Variants in CX3CR1 observed in about 807,000 individuals in gnomAD.
CX3CR1 encodes CX3C chemokine receptor 1.
For missense variants in CX3CR1, 363 were observed against 432.4 expected (o/e 0.84, Z 1.42); for synonymous variants, 168 against 178.5 (o/e 0.94, Z 0.47).
chr3:39,281,407 T>A (rs1009180609), upstream of CX3CR1: 5 of 630,034 alleles, frequency 7.9e-6, no homozygotes, highest in South Asian at 8.0e-5. Flanking sequence ...ACTCCCCTCC[T>A]CTTCTGAGGG....
At chr3:39,284,792 T>A (rs1014638), upstream of CX3CR1, among the ~76,000 whole-genome samples, 1 of 151,874 alleles carries the variant, frequency 6.6e-6, no homozygotes, top group African/African-American at 2.4e-5. Context: ...CAAGTCAGGA[T>A]TGGAACTTCC....
At chr3:39,281,310 G>GGC, upstream of CX3CR1, 1 of 1,031,020 alleles carries the variant, frequency 9.7e-7, no homozygotes, top group Non-Finnish European at 1.2e-6. Context: ...TCTGACACTG[G>GGC]CCCCTCCCCA....
At chr3:39,267,547 G>T (rs1487762741) in intron 1 of CX3CR1, among the ~76,000 whole-genome samples, 2 of 152,070 alleles carry the variant, frequency 1.3e-5, no homozygotes, top group Non-Finnish European at 2.9e-5. Flanking sequence ...CCTGGTTTTA[G>T]CCCTGAAAGT....
chr3:39,265,860 G>T lies in CX3CR1; in HGVS notation c.650C>A (p.Thr217Lys). 2 of 1,614,212 alleles carry T rather than the reference G, an allele frequency of 1.2e-6. No homozygotes were observed. Among genetic ancestry groups the T allele is most frequent in the Non-Finnish European group, 1.7e-6 (2 of 1,180,040 alleles). ...MSYCYFRIIQTLFSCKNHKKA... is the reference protein window; with the variant it reads ...MSYCYFRIIQKLFSCKNHKKA... The stretch of plus-strand genomic sequence containing the variant: ...CTTGTGGTTCTTGCAGGAAAACAGC[G>T]TCTGGATGATTCTGAAGTAGCAATA... Residue 217 changes from threonine (T) to lysine (K), a missense_variant, in exon 2 of 2, where the codon ACG becomes AAG. Physicochemically the swap from Thr to Lys is moderately conservative, Grantham distance 78 (BLOSUM62 -1). Transcript: ENST00000399220.
upstream of CX3CR1, chr3:39,286,512 G>A (rs1289108529): frequency 1.3e-5 from 2 of 151,642 alleles, no homozygotes; most frequent in Non-Finnish European, 2.9e-5. Context: ...TTAGCCGGGC[G>A]CGGTGGCGGG....
upstream of CX3CR1, among the ~76,000 whole-genome samples, chr3:39,283,613 C>T (rs10865886): frequency 0.29 from 43,186 of 150,114 alleles, 7,619 homozygotes; most frequent in East Asian, 0.71. Context: ...AACCCTGTCT[C>T]TACTAAAAAT....
chr3:39,284,036 C>T (rs867532989), upstream of CX3CR1, among the ~76,000 whole-genome samples: 38 of 151,608 alleles, frequency 2.5e-4, no homozygotes, highest in African/African-American at 7.5e-4. Flanking sequence ...GATTATCACA[C>T]GTTACATGCC....
the CX3CR1 span, among the ~76,000 whole-genome samples, chr3:39,289,971 G>A: frequency 6.6e-6 from 1 of 152,178 alleles, no homozygotes; most frequent in Non-Finnish European, 1.5e-5. Flanking sequence ...GTGGTATTTT[G>A]TTATGAAAGC....
At chr3:39,273,119 G>A (rs2040798711) in intron 1 of CX3CR1, among the ~76,000 whole-genome samples, 1 of 152,274 alleles carries the variant, frequency 6.6e-6, no homozygotes, top group South Asian at 2.1e-4. Context: ...GAAATCTGCA[G>A]GATATTGCAG....
chr3:39,284,157 G>A (rs1000432375), upstream of CX3CR1, among the ~76,000 whole-genome samples: 1 of 151,818 alleles, frequency 6.6e-6, no homozygotes, highest in African/African-American at 2.4e-5. Context: ...ATTAAAAAAA[G>A]CTGAGAAACC....
upstream of CX3CR1, among the ~76,000 whole-genome samples, chr3:39,281,921 A>G (rs1201595111): frequency 6.6e-6 from 1 of 152,182 alleles, no homozygotes; most frequent in Non-Finnish European, 1.5e-5. Flanking sequence ...GGCAAGCATG[A>G]GAACCAGCGT....
chr3:39,282,501 A>G (rs9861437), upstream of CX3CR1, among the ~76,000 whole-genome samples: 21,177 of 152,158 alleles, frequency 0.14, 1,607 homozygotes, highest in Middle Eastern at 0.23. Flanking sequence ...TCTGCTGGGC[A>G]GAGAAATGAG....
chr3:39,270,006 C>T lies in CX3CR1; in HGVS notation c.-9-3488G>A, dbSNP rs538747757. Among the ~76,000 whole-genome samples the T allele has an allele frequency of 1.5e-3, 231 of 152,370 alleles. 1 individual carries two copies. The highest frequency in any genetic ancestry group is 5.3e-3 in the African/African-American group (220 of 41,588). On this transcript the variant is annotated intron_variant, in intron 1 of 1. Transcript: ENST00000399220. The stretch of plus-strand genomic sequence containing the variant: ...TGCACACACTGTGCCTCACAGGAGG[C>T]ACAGCTGGGTGAAGCACCTGGCCCA...
At chr3:39,292,493 G>C in the CX3CR1 span, among the ~76,000 whole-genome samples, 1 of 152,194 alleles carries the variant, frequency 6.6e-6, no homozygotes, top group Non-Finnish European at 1.5e-5. Context: ...ATCCTGCAAA[G>C]CAGGGTTTTT....
At chr3:39,277,294 G>A (rs956350140) in intron 1 of CX3CR1, among the ~76,000 whole-genome samples, 2 of 152,186 alleles carry the variant, frequency 1.3e-5, no homozygotes, top group African/African-American at 2.4e-5. Flanking sequence ...CAAGAGGGCA[G>A]GTGGGATCAA....
chr3:39,274,116 G>A (rs1316663829), intron 1 of CX3CR1, among the ~76,000 whole-genome samples: 2 of 152,090 alleles, frequency 1.3e-5, no homozygotes. Flanking sequence ...ATCAAGTCTT[G>A]GCAAATCTTG....
chr3:39,269,213 T>C (rs1297850858), intron 1 of CX3CR1, among the ~76,000 whole-genome samples: 1 of 152,036 alleles, frequency 6.6e-6, no homozygotes, highest in Non-Finnish European at 1.5e-5. Flanking sequence ...GGGATATTCA[T>C]GATGAGAGGA....
upstream of CX3CR1, chr3:39,281,156 G>A (rs1214776541): frequency 1.8e-5 from 18 of 1,017,538 alleles, no homozygotes; most frequent in South Asian, 1.1e-4. Flanking sequence ...GCAGTGCTGC[G>A]GGCTTGGTGG....
intron 1 of CX3CR1, among the ~76,000 whole-genome samples, chr3:39,268,630 A>G (rs867952819): frequency 5.3e-5 from 8 of 152,276 alleles, no homozygotes; most frequent in South Asian, 2.1e-4. Context: ...TCCAGTAAAA[A>G]TTGTCTCGCA....
Sources: allele counts gnomAD v4.1 joint callset (sites outside exome capture counted in the v4.1 genomes callset), GRCh38; gene constraint gnomAD v4.1.1; transcripts MANE v1.5; gene names NCBI Gene and HGNC (gene_info 2026-07-23, HGNC 2026-07-21).